TRANK1: variants seen among roughly 807,000 people sequenced by gnomAD.
The protein encoded by TRANK1 is tetratricopeptide repeat and ankyrin repeat containing 1, also known as TPR and ankyrin repeat-containing protein 1.
In TRANK1, 198 loss-of-function variants were observed where a neutral mutation model predicts 266.0. The observed-to-expected ratio is 0.74, with a 90% CI of 0.66 to 0.84. The LOEUF (loss-of-function observed/expected upper bound fraction) is 0.84. Ranked by LOEUF, TRANK1 falls within the 40% of genes least tolerant of loss-of-function variation. The pLI is 0.00. For synonymous variants in TRANK1, 1,396 were observed against 1,384.1 expected (o/e 1.01, Z -0.19); for missense variants, 3,326 against 3,634.6 (o/e 0.92, Z 2.18).
intron 9 of TRANK1, 82 bp from the exon 10 acceptor site, chr3:36,864,562 C>T (rs1422646861): frequency 1.7e-5 from 23 of 1,318,836 alleles, no homozygotes; most frequent in Non-Finnish European, 2.1e-5. Context: ...AATTCTCCAA[C>T]CCTCCACATA....
intron 1 of TRANK1, among the ~76,000 whole-genome samples, chr3:36,941,744 G>C (rs1282305286): frequency 6.6e-6 from 1 of 152,184 alleles, no homozygotes; most frequent in Non-Finnish European, 1.5e-5. Flanking sequence ...AGTCTTTGCT[G>C]TAACTGTTAC....
chr3:36,894,224 C>A (rs533597716), intron 5 of TRANK1, among the ~76,000 whole-genome samples: 1 of 152,294 alleles, frequency 6.6e-6, no homozygotes, highest in African/African-American at 2.4e-5. Context: ...TTCTCTCATT[C>A]TCTGCCTAGG....
intron 9 of TRANK1, among the ~76,000 whole-genome samples, chr3:36,866,115 A>AG (rs1491415182): frequency 6.7e-6 from 1 of 150,342 alleles, no homozygotes; most frequent in African/African-American, 2.5e-5. Flanking sequence ...AAAGAAAGAA[A>AG]GAGTCACCGA....
chr3:36,887,640 C>T lies in TRANK1; in HGVS notation c.907+2189G>A, dbSNP rs150533376. On this transcript the variant is annotated intron_variant, in intron 8 of 23. Coordinates refer to ENST00000645898, the MANE Select transcript of TRANK1 (RefSeq NM_001329998.2). ...TTTTATTTTTAAGCTCATCAGCCAT[C>T]GTTAGCGTTACTGTATTTTATGTGT... 9.9e-5 allele frequency among the ~76,000 whole-genome samples: 15 copies of T among 152,228 alleles called. No homozygotes were observed. The East Asian group carries it at 2.5e-3, about 25-fold the overall frequency.
Position 36,909,982 on chromosome 3 carries a change from A to G in TRANK1, c.24-1528T>C, listed in dbSNP as rs148169442. 5.3e-3 allele frequency among the ~76,000 whole-genome samples: 801 copies of G among 152,338 alleles called. 5 individuals are homozygous for G. The highest frequency in any genetic ancestry group is 0.018 in the African/African-American group (762 of 41,570). On this transcript the variant is annotated intron_variant, in intron 1 of 23. Transcript: ENST00000645898. ...TCAAATATTGTCGGCCATTTGTCCA[A>G]TAAATATTCTTTAAGCTGGCCATGG...
chr3:36,845,111 G>A (rs2078898305), intron 17 of TRANK1, among the ~76,000 whole-genome samples: 2 of 152,058 alleles, frequency 1.3e-5, no homozygotes, highest in South Asian at 4.1e-4. Flanking sequence ...AGTAAAAAGT[G>A]TCCATATCTA....
rs1300722672 is a variant in TRANK1 at position 36,857,536 on chromosome 3, C to A, written c.2186G>T (p.Arg729Ile). The A allele has an allele frequency of 6.2e-7, 1 of 1,614,048 alleles. No individual in the cohort carries two copies. Among genetic ancestry groups the A allele is most frequent in the South Asian group, 1.1e-5 (1 of 91,082 alleles). ...EPGALRPCSL[R>I]DCLMQDITVL... ...TGTGATGTCCTGCATAAGGCAGTCTCTCAGCGAGCAGGGCCTGAGAGCTCC... is the reference window on the plus strand; with the variant it reads ...TGTGATGTCCTGCATAAGGCAGTCTATCAGCGAGCAGGGCCTGAGAGCTCC... The change falls in exon 13 of 24, where the codon AGA (arginine) becomes ATA (isoleucine). Residue 729 changes from arginine to isoleucine, a missense_variant. Arg to Ile is a moderately conservative substitution (Grantham distance 97). Coordinates refer to ENST00000645898, the MANE Select transcript of TRANK1 (RefSeq NM_001329998.2). The surrounding 1 kb of genome is among the most constrained non-coding windows in gnomAD (Gnocchi z 4.3).
chr3:36,846,114 C>A lies in TRANK1; in HGVS notation c.5191+134G>T, dbSNP rs906752630. 12 of 1,028,480 alleles carry A rather than the reference C, an allele frequency of 1.2e-5. No homozygotes were observed. The South Asian group carries it at 2.2e-4, about 18-fold the overall frequency. 63.7% of individuals were successfully genotyped at this position (1,028,480 alleles called of 1,614,324 possible). A position where few individuals can be genotyped will look rare whatever the true frequency, so the allele number is the denominator to read the frequency against. ...ATGCACCTTGGCAAATGTGTAACAACTTCCATTTCTCAGAAGATTGTGGAA... is the reference window on the plus strand; with the variant it reads ...ATGCACCTTGGCAAATGTGTAACAAATTCCATTTCTCAGAAGATTGTGGAA... On this transcript the variant is annotated intron_variant, in intron 17 of 23. Transcript: ENST00000645898.
chr3:36,898,523 G>A (rs1327857686), intron 4 of TRANK1, among the ~76,000 whole-genome samples: 1 of 151,904 alleles, frequency 6.6e-6, no homozygotes, highest in East Asian at 1.9e-4. Flanking sequence ...TATAAATACG[G>A]AAACCCCTAT....
chr3:36,923,897 T>C (rs2080252263), intron 1 of TRANK1, among the ~76,000 whole-genome samples: 1 of 152,226 alleles, frequency 6.6e-6, no homozygotes, highest in Non-Finnish European at 1.5e-5. Flanking sequence ...TCTCCAGTGC[T>C]GCCTGAAGGC....
At chr3:36,873,381 G>A (rs2079337741) in intron 9 of TRANK1, among the ~76,000 whole-genome samples, 1 of 152,072 alleles carries the variant, frequency 6.6e-6, no homozygotes, top group South Asian at 2.1e-4. Context: ...AAAACTACAA[G>A]AAGTATAAAA....
Position 36,895,650 on chromosome 3 carries a change from CCTTT to C in TRANK1, c.538_541del (p.Lys180AspfsTer27). 6.5e-7 allele frequency: 1 copy of C among 1,532,902 alleles called. No homozygotes were observed. 95.0% of individuals were successfully genotyped at this position (1,532,902 alleles called of 1,614,324 possible). A position where few individuals can be genotyped will look rare whatever the true frequency, so the allele number is the denominator to read the frequency against. On this transcript the variant is annotated frameshift_variant, in exon 5 of 24. Transcript: ENST00000645898. LOFTEE classifies it high-confidence loss of function. The stretch of plus-strand genomic sequence containing the variant: ...TCTCCTTTTACTTACATGCCATAAT[CCTTT>C]CTTTGCCAACTTTTCTATTACAGAT...
intron 8 of TRANK1, among the ~76,000 whole-genome samples, chr3:36,875,133 A>G (rs1015338466): frequency 1.2e-4 from 19 of 152,164 alleles, no homozygotes; most frequent in Non-Finnish European, 2.5e-4. Flanking sequence ...CAGTTATTCA[A>G]TCAAATACTA....
intron 8 of TRANK1, among the ~76,000 whole-genome samples, chr3:36,879,954 ATG>A (rs1559449491): frequency 0.02 from 225 of 11,100 alleles, 76 homozygotes; most frequent in Middle Eastern, 0.33. Flanking sequence ...ATGCAAATAT[ATG>A]TAAACATGCA....
chr3:36,886,606 CA>C (rs1487608466), intron 8 of TRANK1, among the ~76,000 whole-genome samples: 1 of 151,878 alleles, frequency 6.6e-6, no homozygotes, highest in African/African-American at 2.4e-5. Flanking sequence ...AAAGACAGTA[CA>C]AAACAAAAAA....
intron 1 of TRANK1, among the ~76,000 whole-genome samples, chr3:36,940,033 G>C (rs1157368090): frequency 6.6e-6 from 1 of 151,920 alleles, no homozygotes; most frequent in Non-Finnish European, 1.5e-5. Context: ...TAGGACTACA[G>C]GTGTGCACCA....
intron 5 of TRANK1, among the ~76,000 whole-genome samples, chr3:36,893,560 T>C (rs1048685252): frequency 1.3e-5 from 2 of 152,204 alleles, no homozygotes; most frequent in African/African-American, 4.8e-5. Flanking sequence ...CTACCAAAGT[T>C]AGCAAATGCT....
In TRANK1 at chr3:36,832,723, A is replaced by G. The variant is rs1184777875; in HGVS notation, c.6860T>C (p.Met2287Thr). 2.5e-6 allele frequency: 4 copies of G among 1,614,036 alleles called. No homozygotes were observed. The highest frequency in any genetic ancestry group is 2.2e-5 in the East Asian group (1 of 44,892). Reference protein sequence around the residue: ...FHQRVLSENPMACKEILKPNY... With the variant: ...FHQRVLSENPTACKEILKPNY... Reference sequence around the variant, plus strand: ...TGGTTTGAGGATTTCTTTGCATGCCATGGGGTTTTCTGACAACACTCTCTG... The same window carrying G: ...TGGTTTGAGGATTTCTTTGCATGCCGTGGGGTTTTCTGACAACACTCTCTG... Residue 2287 changes from methionine to threonine, a missense_variant, in exon 22 of 24, where the codon ATG becomes ACG. Met to Thr is a moderately conservative substitution (Grantham distance 81). Transcript: ENST00000645898.
At chr3:36,900,430 A>G (rs2079858060) in intron 3 of TRANK1, among the ~76,000 whole-genome samples, 1 of 152,202 alleles carries the variant, frequency 6.6e-6, no homozygotes, top group Admixed American at 6.5e-5. Flanking sequence ...TTCTATAGAA[A>G]GAGGAAAATT....
Sources: gnomAD v4.1 joint callset for allele counts (sites outside exome capture counted in the v4.1 genomes callset) on GRCh38, gnomAD v4.1.1 for gene constraint, Gnocchi (gnomAD v3.1) non-coding constraint, MANE v1.5 for transcripts, NCBI Gene and HGNC (gene_info 2026-07-23, HGNC 2026-07-21) for gene names.